HDAC9: variants seen among roughly 807,000 people sequenced by gnomAD.
The protein encoded by HDAC9 is histone deacetylase 9, also known as MEF-2 interacting transcription repressor (MITR) protein.
In HDAC9, 41 loss-of-function variants were observed where a neutral mutation model predicts 139.4. That is an observed-to-expected ratio of 0.29 (90% confidence interval 0.23 to 0.38). The LOEUF (loss-of-function observed/expected upper bound fraction) is 0.38. HDAC9 is among the 10% of genes least tolerant of loss of function. The pLI, the probability that HDAC9 is intolerant of heterozygous loss-of-function variation, is 1.00. For missense variants in HDAC9, 1,147 were observed against 1,297.0 expected (o/e 0.88, Z 1.78); for synonymous variants, 517 against 476.2 (o/e 1.09, Z -1.12).
chr7:18,490,121 ATACTT>A (rs1796257235), intron 1 of HDAC9, among the ~76,000 whole-genome samples: 2 of 152,046 alleles, frequency 1.3e-5, no homozygotes. Flanking sequence ...ACACCAAAAG[ATACTT>A]TATTCTTTTA....
At chr7:18,897,946 T>A (rs1294596635) in intron 22 of HDAC9, among the ~76,000 whole-genome samples, 1 of 151,916 alleles carries the variant, frequency 6.6e-6, no homozygotes, top group Non-Finnish European at 1.5e-5. Flanking sequence ...TTACTGTCAC[T>A]TTTAAAATGT....
At chr7:18,106,951 T>G (rs1472356935) in intron 1 of HDAC9, among the ~76,000 whole-genome samples, 1 of 152,212 alleles carries the variant, frequency 6.6e-6, no homozygotes, top group African/African-American at 2.4e-5. Context: ...TGAAAATAAA[T>G]TAACTTTGAT....
intron 22 of HDAC9, among the ~76,000 whole-genome samples, chr7:18,907,210 G>A (rs1802340345): frequency 6.6e-6 from 1 of 152,142 alleles, no homozygotes; most frequent in African/African-American, 2.4e-5. Flanking sequence ...TTATAATTCT[G>A]TTTGAATGGA....
chr7:18,512,366 C>T (rs577801116), intron 2 of HDAC9, among the ~76,000 whole-genome samples: 40 of 152,214 alleles, frequency 2.6e-4, no homozygotes, highest in African/African-American at 9.1e-4. Flanking sequence ...ATTGAAAGGA[C>T]TGTTTTATAT....
At chr7:18,621,205 A>G (rs930418503) in intron 6 of HDAC9, among the ~76,000 whole-genome samples, 2 of 151,830 alleles carry the variant, frequency 1.3e-5, no homozygotes, top group East Asian at 3.9e-4. Flanking sequence ...CTGGGAAAAG[A>G]CCCATAATAT....
At chr7:18,604,014 T>C (rs536264908) in intron 6 of HDAC9, among the ~76,000 whole-genome samples, 3 of 152,170 alleles carry the variant, frequency 2.0e-5, no homozygotes, top group Admixed American at 2.0e-4. Context: ...ATAGATAAAG[T>C]TTTTCTTTTT....
intron 6 of HDAC9, among the ~76,000 whole-genome samples, chr7:18,598,865 C>T (rs903031194): frequency 3.9e-5 from 6 of 152,188 alleles, no homozygotes; most frequent in African/African-American, 1.4e-4. Context: ...TGCATATTCT[C>T]TGGTATTTCA....
intron 2 of HDAC9, among the ~76,000 whole-genome samples, chr7:18,510,225 C>G (rs985160424): frequency 1.3e-5 from 2 of 151,986 alleles, no homozygotes; most frequent in Admixed American, 1.3e-4. Flanking sequence ...TTATTCTTAA[C>G]GAAGGGAATT....
chr7:18,121,544 C>CAAA (rs5882646), intron 1 of HDAC9, among the ~76,000 whole-genome samples: 7 of 108,840 alleles, frequency 6.4e-5, no homozygotes, highest in Admixed American at 9.4e-5. Flanking sequence ...TAAGAATATG[C>CAAA]AAAAAAAAAA....
chr7:18,131,982 A>G (rs1785042498), intron 1 of HDAC9, among the ~76,000 whole-genome samples: 1 of 152,190 alleles, frequency 6.6e-6, no homozygotes. Context: ...ATGGCAACAG[A>G]TAGATTATGG....
At position 18,251,378 on chromosome 7, in the gene HDAC9, G is replaced by C. The variant is rs138542911; in HGVS notation, c.25+89029G>C. ...GTTGGAGAAGAGTGGTGGGGGGAGG[G>C]AGAGCATCAGGAAGAGTAGCTAATG... is the stretch of plus-strand genomic sequence containing the variant. On this transcript the variant is annotated intron_variant, in intron 2 of 12. Transcript: ENST00000417496. 3.2e-3 allele frequency among the ~76,000 whole-genome samples: 485 copies of C among 152,192 alleles called. 4 individuals are homozygous for C. Among genetic ancestry groups the C allele is most frequent in the Non-Finnish European group, 4.6e-3 (314 of 68,008 alleles).
At chr7:18,359,076 C>G (rs778741591) in intron 1 of HDAC9, among the ~76,000 whole-genome samples, 39 of 152,230 alleles carry the variant, frequency 2.6e-4, no homozygotes, top group Non-Finnish European at 4.0e-4. Context: ...GGCAGTGAGG[C>G]CGGGCACAGT....
At position 18,632,091 on chromosome 7, in the gene HDAC9, A is replaced by T. The variant is rs532332571; in HGVS notation, c.797-2536A>T. On this transcript the variant is annotated intron_variant, in intron 7 of 25. Transcript: ENST00000686413. The stretch of plus-strand genomic sequence containing the variant: ...GAAATGATATGGAAATGAGACATTA[A>T]TGAGAAATCAGTCATATTGTAAAGA... 2.6e-5 allele frequency among the ~76,000 whole-genome samples: 4 copies of T among 152,108 alleles called. No homozygotes were observed. In the South Asian group the frequency reaches 6.2e-4, roughly 24 times the overall value.
chr7:18,900,514 TC>T (rs1345647097), intron 22 of HDAC9, among the ~76,000 whole-genome samples: 2 of 152,134 alleles, frequency 1.3e-5, no homozygotes, highest in Non-Finnish European at 2.9e-5. Context: ...TTTCTGGCCC[TC>T]CCTGCAATCA....
chr7:18,889,690 C>A (rs1249457832), intron 22 of HDAC9, among the ~76,000 whole-genome samples: 1 of 152,028 alleles, frequency 6.6e-6, no homozygotes, highest in Non-Finnish European at 1.5e-5. Flanking sequence ...CATGGGTCTG[C>A]CACTTTTCTT....
chr7:18,198,288 TTA>T, intron 2 of HDAC9, among the ~76,000 whole-genome samples: 1 of 152,114 alleles, frequency 6.6e-6, no homozygotes, highest in South Asian at 2.1e-4. Flanking sequence ...TTATATAGCA[TTA>T]AGTTAATATA....
chr7:18,329,908 CTT>C (rs1430901815), intron 1 of HDAC9, among the ~76,000 whole-genome samples: 2 of 151,344 alleles, frequency 1.3e-5, no homozygotes, highest in Non-Finnish European at 3.0e-5. Context: ...ACTAGTTTTG[CTT>C]TGGGAATAGT....
At chr7:18,765,541 G>T (rs1263742465) in intron 15 of HDAC9, among the ~76,000 whole-genome samples, 1 of 152,018 alleles carries the variant, frequency 6.6e-6, no homozygotes, top group Non-Finnish European at 1.5e-5. Context: ...ATCGGTGGAG[G>T]CTGCAGTGAG....
intron 2 of HDAC9, among the ~76,000 whole-genome samples, chr7:18,561,718 G>A (rs1365361078): frequency 2.0e-5 from 3 of 152,112 alleles, no homozygotes; most frequent in Admixed American, 2.0e-4. Context: ...GCTTCTGACT[G>A]CCTTCCTTTA....
Sources: gnomAD v4.1 joint callset for allele counts (sites outside exome capture counted in the v4.1 genomes callset) on GRCh38, gnomAD v4.1.1 for gene constraint, MANE v1.5 for transcripts, NCBI Gene and HGNC (gene_info 2026-07-23, HGNC 2026-07-21) for gene names.